The following ZNF44 variants were observed in gnomAD, a reference collection of about 807,000 sequenced individuals.
ZNF44 encodes the protein gonadotropin inducible transcription repressor-2.
ZNF44 carries 9 observed loss-of-function variants against 11.7 expected under a neutral mutation model. The ratio of observed to expected loss-of-function variants is 0.77; its 90% confidence interval spans 0.46 to 1.35. The LOEUF (loss-of-function observed/expected upper bound fraction) is 1.35, where lower values mean the gene tolerates loss of function less well. Among genes scored for constraint, ZNF44 ranks in the 40% most tolerant of loss-of-function variants. The pLI is 0.00. For missense variants in ZNF44, 696 were observed against 743.1 expected, an observed-to-expected ratio of 0.94 and a Z score of 0.74; for synonymous variants, 224 against 242.7, an observed-to-expected ratio of 0.92 and a Z score of 0.72.
intron 1 of ZNF44, among the ~76,000 whole-genome samples, chr19:12,288,585 T>C (rs993793148): frequency 6.6e-6 from 1 of 150,402 alleles, no homozygotes; most frequent in African/African-American, 2.5e-5. Flanking sequence ...CTACTAAAAA[T>C]AGAAAAATTA....
chr19:12,262,578 T>C (rs1917555822), intron 5 of ZNF44, among the ~76,000 whole-genome samples: 1 of 152,170 alleles, frequency 6.6e-6, no homozygotes, highest in Non-Finnish European at 1.5e-5. Context: ...CCAAAATTCA[T>C]TTTTCTTAAA....
intron 1 of ZNF44, chr19:12,293,523 G>A: frequency 1.4e-6 from 1 of 713,014 alleles, no homozygotes. Flanking sequence ...TTCCTCACAT[G>A]TGAAATGTTA....
intron 3 of ZNF44, among the ~76,000 whole-genome samples, chr19:12,230,163 A>G (rs1417933230): frequency 2.0e-5 from 3 of 152,186 alleles, no homozygotes; most frequent in Non-Finnish European, 2.9e-5. Context: ...GCTTAAGCCA[A>G]GTTTGGCGAG....
chr19:12,260,574 T>A, intron 5 of ZNF44: 1 of 694,646 alleles, frequency 1.4e-6, no homozygotes, highest in African/African-American at 1.9e-5. Flanking sequence ...GTCAGCTGGC[T>A]TTCTCACCAC....
downstream of ZNF44, among the ~76,000 whole-genome samples, chr19:12,246,593 T>C (rs942156271): frequency 1.3e-5 from 2 of 152,186 alleles, no homozygotes; most frequent in African/African-American, 4.8e-5. Flanking sequence ...ATTTAAAAAT[T>C]TTATTAACTG....
chr19:12,289,809 T>C (rs537118302), intron 1 of ZNF44, among the ~76,000 whole-genome samples: 25 of 151,976 alleles, frequency 1.6e-4, no homozygotes, highest in African/African-American at 5.5e-4. Context: ...TTTTTTGTAT[T>C]TTCAGTAGAG....
rs1227394246 is a variant in ZNF44, at chr19:12,250,034, T to C, written c.*130A>G. ...CTTCAATGTTCCATTCTTTTTGTTT[T>C]GTTCCTGAAATGCAGACCCAGAAAA... On this transcript the variant is annotated 3_prime_UTR_variant and NMD_transcript_variant, in exon 7 of 8. Coordinates refer to the ZNF44 transcript ENST00000393337. 5.5e-6 allele frequency: 7 copies of C among 1,283,248 alleles called. No homozygotes were observed. The South Asian group carries it at 8.9e-5, about 16-fold the overall frequency. The allele number at this position is 1,283,248 out of a possible 1,614,324, so 79.5% of individuals were successfully genotyped here. A position where few individuals can be genotyped will look rare whatever the true frequency, so the allele number is the denominator to read the frequency against.
chr19:12,284,868 G>A (rs1224581147), intron 1 of ZNF44: 12 of 801,724 alleles, frequency 1.5e-5, no homozygotes, highest in East Asian at 8.0e-5. Flanking sequence ...AGGCCACTGC[G>A]GCTCTGTGCT....
At chr19:12,293,130 A>C in intron 1 of ZNF44, 1 of 1,383,964 alleles carries the variant, frequency 7.2e-7, no homozygotes, top group African/African-American at 1.4e-5. Flanking sequence ...TCGGCTTCCC[A>C]AAGTGCTGGG....
At chr19:12,259,112 C>T (rs1343584821) in intron 5 of ZNF44, among the ~76,000 whole-genome samples, 1 of 152,144 alleles carries the variant, frequency 6.6e-6, no homozygotes, top group Non-Finnish European at 1.5e-5. Context: ...TGGGCTCCAG[C>T]AATCCACCTA....
downstream of ZNF44, chr19:12,247,354 T>C (rs866086599): frequency 7.7e-6 from 10 of 1,296,716 alleles, no homozygotes; most frequent in South Asian, 3.7e-5. Flanking sequence ...TCCTTACATT[T>C]ATAAGGTTTC....
At chr19:12,240,398 T>C (rs1234576629), upstream of ZNF44, among the ~76,000 whole-genome samples, 5 of 149,180 alleles carry the variant, frequency 3.4e-5, no homozygotes, top group African/African-American at 5.0e-5. Context: ...TGCACTGAGA[T>C]TGTGCCACTA....
At chr19:12,244,404 T>C (rs1916712539), downstream of ZNF44, among the ~76,000 whole-genome samples, 1 of 152,240 alleles carries the variant, frequency 6.6e-6, no homozygotes, top group Non-Finnish European at 1.5e-5. Context: ...TGATTAGCCT[T>C]TATCAAATTA....
intron 1 of ZNF44, chr19:12,293,160 GC>G: frequency 6.8e-7 from 1 of 1,478,844 alleles, no homozygotes; most frequent in East Asian, 2.5e-5. Context: ...GTGAGCCACC[GC>G]GCCCAGCCCA....
At chr19:12,243,474 G>C (rs1017383382), downstream of ZNF44, among the ~76,000 whole-genome samples, 9 of 152,182 alleles carry the variant, frequency 5.9e-5, no homozygotes, top group African/African-American at 2.2e-4. Context: ...TGTCCACCAG[G>C]TTTATTCATG....
At chr19:12,233,550 C>CT (rs777267600) in intron 2 of ZNF44, among the ~76,000 whole-genome samples, 1 of 80,852 alleles carries the variant, frequency 1.2e-5, no homozygotes, top group African/African-American at 4.1e-5. Flanking sequence ...ACCCATACAT[C>CT]AAAAAAAAAA....
intron 5 of ZNF44, among the ~76,000 whole-genome samples, chr19:12,256,064 A>C (rs200089225): frequency 1.4e-5 from 2 of 141,324 alleles, no homozygotes; most frequent in East Asian, 4.1e-4. Flanking sequence ...AAAAAAAAAA[A>C]CAGCCTACAT....
At chr19:12,240,236 G>A (rs1294574719), upstream of ZNF44, among the ~76,000 whole-genome samples, 2 of 151,322 alleles carry the variant, frequency 1.3e-5, no homozygotes, top group Non-Finnish European at 2.9e-5. Flanking sequence ...TTGAGGTCAA[G>A]AGTTCAAGAC....
downstream of ZNF44, among the ~76,000 whole-genome samples, chr19:12,244,056 G>T (rs189689187): frequency 6.5e-3 from 981 of 152,036 alleles, 15 homozygotes; most frequent in African/African-American, 0.023. Context: ...TTAGTTTTTT[G>T]AGATGAGAGG....
Sources: allele counts gnomAD v4.1 joint callset (sites outside exome capture counted in the v4.1 genomes callset), GRCh38; gene constraint gnomAD v4.1.1; transcripts MANE v1.5; gene names NCBI Gene and HGNC (gene_info 2026-07-23, HGNC 2026-07-21).